ZNF385B: variants seen among roughly 807,000 people sequenced by gnomAD.
The protein encoded by ZNF385B is zinc finger protein 533.
ZNF385B carries 23 observed loss-of-function variants against 39.2 expected under a neutral mutation model. The ratio of observed to expected loss-of-function variants is 0.59; its 90% CI spans 0.42 to 0.83. ZNF385B has a LOEUF of 0.83. Ranked by LOEUF, ZNF385B falls within the 40% of genes least tolerant of loss-of-function variation. ZNF385B has a pLI of 0.00. For synonymous variants in ZNF385B, 205 were observed against 222.6 expected, an observed-to-expected ratio of 0.92 and a Z score of 0.70; for missense variants, 552 against 598.9, an observed-to-expected ratio of 0.92 and a Z score of 0.82.
At chr2:179,687,346 T>C (rs1698000698) in intron 3 of ZNF385B, among the ~76,000 whole-genome samples, 1 of 152,044 alleles carries the variant, frequency 6.6e-6, no homozygotes, top group Non-Finnish European at 1.5e-5. Flanking sequence ...TTGTAATTTT[T>C]CTTCTAGTTC....
At chr2:179,771,672 A>T (rs777251475) in intron 1 of ZNF385B, among the ~76,000 whole-genome samples, 4 of 152,242 alleles carry the variant, frequency 2.6e-5, no homozygotes, top group Non-Finnish European at 4.4e-5. Context: ...TTATGTTATC[A>T]CAAAGTCACT....
intron 3 of ZNF385B, among the ~76,000 whole-genome samples, chr2:179,664,025 T>G (rs1694833245): frequency 6.6e-6 from 1 of 151,480 alleles, no homozygotes; most frequent in African/African-American, 2.4e-5. Flanking sequence ...AAATTTCATA[T>G]TTTTTGGAAT....
At chr2:179,706,604 G>T (rs901044426) in intron 3 of ZNF385B, among the ~76,000 whole-genome samples, 1 of 152,122 alleles carries the variant, frequency 6.6e-6, no homozygotes, top group African/African-American at 2.4e-5. Context: ...TTGATGGTTG[G>T]TTCCCACCGC....
chr2:179,475,218 A>G (rs1418532567), intron 6 of ZNF385B, among the ~76,000 whole-genome samples: 1 of 152,086 alleles, frequency 6.6e-6, no homozygotes, highest in Non-Finnish European at 1.5e-5. Flanking sequence ...ATGCTGGACA[A>G]CACAGATTAT....
At chr2:179,592,654 T>G (rs1379866365) in intron 3 of ZNF385B, among the ~76,000 whole-genome samples, 2 of 152,112 alleles carry the variant, frequency 1.3e-5, no homozygotes, top group African/African-American at 2.4e-5. Context: ...ATATGAAAAC[T>G]GCTTTGGAAT....
chr2:179,850,685 CTGTA>C (rs1684062469), intron 1 of ZNF385B, among the ~76,000 whole-genome samples: 1 of 152,140 alleles, frequency 6.6e-6, no homozygotes, highest in Non-Finnish European at 1.5e-5. Flanking sequence ...AAAGATTCTG[CTGTA>C]TGTCTTTCAT....
intron 1 of ZNF385B, among the ~76,000 whole-genome samples, chr2:179,806,461 C>T (rs1418755262): frequency 6.6e-6 from 1 of 152,158 alleles, no homozygotes; most frequent in Non-Finnish European, 1.5e-5. Flanking sequence ...GAAGCCTAGG[C>T]TCCCCCAGTC....
rs143578373 is a variant in ZNF385B, at chr2:179,646,390, T to C, written c.299-101421A>G. 9.2e-4 allele frequency among the ~76,000 whole-genome samples: 140 copies of C among 152,330 alleles called. 2 individuals carry two copies. Among genetic ancestry groups the C allele is most frequent in the Middle Eastern group, 6.8e-3 (2 of 294 alleles). Reference sequence around the variant, plus strand: ...TTGCGCCACTGCAATCCAGCGTGGATGACAAGAACGAGACTACGTCTCAAA... The same window carrying C: ...TTGCGCCACTGCAATCCAGCGTGGACGACAAGAACGAGACTACGTCTCAAA... On this transcript the variant is annotated intron_variant, in intron 3 of 9. Coordinates refer to ENST00000410066, the MANE Select transcript of ZNF385B (RefSeq NM_152520.6).
intron 6 of ZNF385B, among the ~76,000 whole-genome samples, chr2:179,455,829 T>C (rs951939039): frequency 3.4e-5 from 5 of 148,762 alleles, no homozygotes; most frequent in African/African-American, 1.2e-4. Flanking sequence ...GAGGCAGAGG[T>C]TGCCGTGAGC....
At chr2:179,459,034 G>T (rs1004558249) in intron 6 of ZNF385B, among the ~76,000 whole-genome samples, 1 of 152,158 alleles carries the variant, frequency 6.6e-6, no homozygotes, top group African/African-American at 2.4e-5. Context: ...ATAGTTGCAA[G>T]TTTGCATGTA....
chr2:179,765,388 C>A lies in ZNF385B; in HGVS notation c.298+4115G>T, dbSNP rs563219341. 2.6e-5 allele frequency among the ~76,000 whole-genome samples: 4 copies of A among 152,218 alleles called. No individual in the cohort carries two copies. The East Asian group carries it at 7.7e-4, about 29-fold the overall frequency. The stretch of plus-strand genomic sequence containing the variant: ...GAGTGACTTTCCCCAGAGCTGCATC[C>A]AGATTTGGGGTGGGTTGAGGAGGGT... On this transcript the variant is annotated intron_variant, in intron 3 of 9. Transcript: ENST00000410066.
At chr2:179,680,031 T>C (rs1376422319) in intron 3 of ZNF385B, among the ~76,000 whole-genome samples, 2 of 152,214 alleles carry the variant, frequency 1.3e-5, no homozygotes, top group Non-Finnish European at 2.9e-5. Context: ...CTTTTCACTT[T>C]GAAATAATTA....
chr2:179,855,223 GA>G (rs1684495536), intron 1 of ZNF385B, among the ~76,000 whole-genome samples: 1 of 152,102 alleles, frequency 6.6e-6, no homozygotes, highest in South Asian at 2.1e-4. Flanking sequence ...AAAAAGAAAA[GA>G]AAAAGTTGAT....
intron 3 of ZNF385B, among the ~76,000 whole-genome samples, chr2:179,663,713 CAA>C (rs71401756): frequency 8.1e-4 from 55 of 67,722 alleles, no homozygotes; most frequent in Middle Eastern, 7.5e-3. Context: ...GACTCCGTCT[CAA>C]AAAAAAAAAA....
At chr2:179,622,746 T>A (rs951517151) in intron 3 of ZNF385B, among the ~76,000 whole-genome samples, 3 of 152,212 alleles carry the variant, frequency 2.0e-5, no homozygotes, top group Non-Finnish European at 4.4e-5. Flanking sequence ...CTGGCATGAA[T>A]TTCTGTAACT....
At chr2:179,580,319 A>G (rs887640815) in intron 3 of ZNF385B, among the ~76,000 whole-genome samples, 4 of 152,196 alleles carry the variant, frequency 2.6e-5, no homozygotes, top group African/African-American at 9.7e-5. Flanking sequence ...GAGTTTAGGA[A>G]GCCACTAACG....
intron 3 of ZNF385B, among the ~76,000 whole-genome samples, chr2:179,702,852 G>C (rs1699313149): frequency 6.6e-6 from 1 of 152,112 alleles, no homozygotes; most frequent in African/African-American, 2.4e-5. Flanking sequence ...GGAGACTCTT[G>C]GTGTTATCTG....
At chr2:179,457,776 AG>A (rs1229607751) in intron 6 of ZNF385B, among the ~76,000 whole-genome samples, 4 of 152,198 alleles carry the variant, frequency 2.6e-5, no homozygotes, top group Non-Finnish European at 5.9e-5. Context: ...TAGCCTGAAC[AG>A]GAGTCCTTTG....
chr2:179,505,116 C>G (rs541414388), intron 5 of ZNF385B, among the ~76,000 whole-genome samples: 20 of 151,960 alleles, frequency 1.3e-4, no homozygotes, highest in Admixed American at 1.3e-3. Flanking sequence ...TACAGAGGGC[C>G]GCAGGGGAAT....
Sources: gnomAD v4.1 joint callset for allele counts (sites outside exome capture counted in the v4.1 genomes callset) on GRCh38, gnomAD v4.1.1 for gene constraint, MANE v1.5 for transcripts, NCBI Gene and HGNC (gene_info 2026-07-23, HGNC 2026-07-21) for gene names.